The following AKAP10 variants were observed in gnomAD, a reference collection of about 807,000 sequenced individuals.
AKAP10 encodes A-kinase anchoring protein 10, also known as A-kinase anchor protein 10, mitochondrial.
Under a neutral mutation model 80.8 loss-of-function variants are expected in AKAP10, and 24 were observed. The ratio of observed to expected loss-of-function variants is 0.30; its 90% CI spans 0.22 to 0.42. The LOEUF (loss-of-function observed/expected upper bound fraction) is 0.42. AKAP10 is among the 10% of genes least tolerant of loss of function. The probability of loss-of-function intolerance (pLI) is 1.00; values close to 1 mark genes in which losing one functional copy is unlikely to be tolerated. For synonymous variants in AKAP10, 291 were observed against 277.7 expected (o/e 1.05, Z -0.48); for missense variants, 661 against 794.9 (o/e 0.83, Z 2.03).
At chr17:19,934,527 C>T (rs985293921) in intron 9 of AKAP10, among the ~76,000 whole-genome samples, 15 of 152,192 alleles carry the variant, frequency 9.9e-5, no homozygotes, top group African/African-American at 3.6e-4. Flanking sequence ...TTTGATACTG[C>T]TCTCTAATTA....
intron 2 of AKAP10, among the ~76,000 whole-genome samples, chr17:19,967,535 G>C (rs1378106492): frequency 1.3e-5 from 2 of 152,148 alleles, no homozygotes; most frequent in East Asian, 3.9e-4. Context: ...TTAATAAGAA[G>C]GGCACTGGTT....
chr17:19,917,854 C>CA (rs1392176288), intron 12 of AKAP10, among the ~76,000 whole-genome samples: 2 of 151,374 alleles, frequency 1.3e-5, no homozygotes, highest in African/African-American at 4.8e-5. Flanking sequence ...ACCTGGGGGG[C>CA]AGAGGTTGCA....
At position 19,958,238 on chromosome 17, in the gene AKAP10, G is replaced by T; in HGVS notation, c.653C>A (p.Thr218Asn). 1 of 1,614,192 alleles carries T rather than the reference G, an allele frequency of 6.2e-7. No individual in the cohort carries two copies. The highest frequency in any genetic ancestry group is 8.5e-7 in the Non-Finnish European group (1 of 1,180,040). The change falls in exon 4 of 15, where the codon ACT (threonine) becomes AAT (asparagine). Residue 218 changes from threonine (T) to asparagine (N), a missense_variant. Coordinates refer to ENST00000225737, the MANE Select transcript of AKAP10 (RefSeq NM_007202.4). The part of the protein sequence containing the change: ...EDSGSAQLFM[T>N]HSEGIDLNNR... ...ATTCAGGTCAATTCCTTCTGAATGA[G>T]TCATAAACAACTGTGCTGAGCCAGA...
intron 4 of AKAP10, among the ~76,000 whole-genome samples, chr17:19,948,924 C>T (rs2043167417): frequency 6.6e-6 from 1 of 152,152 alleles, no homozygotes; most frequent in Admixed American, 6.5e-5. Context: ...GTGGACTGAA[C>T]CTAACTAGGT....
Position 19,941,818 on chromosome 17 carries a change from TA to T in AKAP10, c.1061+7del. 1 of 1,564,028 alleles carries T rather than the reference TA, an allele frequency of 6.4e-7. No individual in the cohort carries two copies. The highest frequency in any genetic ancestry group is 8.7e-7 in the Non-Finnish European group (1 of 1,153,904). ...GGATGCACAATGTGAAAATATGAAC[TA>T]ACTTACTCTTGCTCCATTGCACTAA... On this transcript the variant is annotated splice_region_variant and intron_variant, in intron 6 of 14. Transcript: ENST00000225737.
intron 1 of AKAP10, 62 bp from the exon 2 acceptor site, chr17:19,968,523 G>T: frequency 7.6e-7 from 1 of 1,323,582 alleles, no homozygotes; most frequent in Non-Finnish European, 1.1e-6. Flanking sequence ...CTATAACACT[G>T]TAAAAATTAG....
intron 10 of AKAP10, among the ~76,000 whole-genome samples, chr17:19,925,640 G>A (rs2042868151): frequency 6.6e-6 from 1 of 151,946 alleles, no homozygotes; most frequent in African/African-American, 2.4e-5. Flanking sequence ...CAAGCTTAAT[G>A]TCCCCGACTA....
intron 8 of AKAP10, among the ~76,000 whole-genome samples, chr17:19,938,368 C>G (rs1490551220): frequency 6.6e-6 from 1 of 151,888 alleles, no homozygotes; most frequent in Non-Finnish European, 1.5e-5. Flanking sequence ...TCCTGAGTAG[C>G]TGGGATTACA....
At chr17:19,912,810 A>C (rs1325840540) in intron 12 of AKAP10, among the ~76,000 whole-genome samples, 2 of 152,160 alleles carry the variant, frequency 1.3e-5, no homozygotes, top group Non-Finnish European at 1.5e-5. Flanking sequence ...AATTCTTTCC[A>C]GCTGCCCTCA....
At chr17:19,950,846 TC>T (rs1332541388) in intron 4 of AKAP10, among the ~76,000 whole-genome samples, 3 of 135,330 alleles carry the variant, frequency 2.2e-5, no homozygotes, top group Non-Finnish European at 4.7e-5. Flanking sequence ...CCGGCTGCCA[TC>T]CCGTCTAGGA....
chr17:19,915,257 G>A (rs889738335), intron 12 of AKAP10, among the ~76,000 whole-genome samples: 11 of 152,312 alleles, frequency 7.2e-5, no homozygotes, highest in African/African-American at 2.4e-4. Context: ...GACTATAGGT[G>A]TAACTTCCAG....
chr17:19,959,052 C>T (rs1361601134), intron 3 of AKAP10, among the ~76,000 whole-genome samples: 1 of 151,910 alleles, frequency 6.6e-6, no homozygotes, highest in African/African-American at 2.4e-5. Flanking sequence ...TCGGTTTCAC[C>T]ATGTTGGTCA....
intron 9 of AKAP10, among the ~76,000 whole-genome samples, chr17:19,934,316 T>C (rs768801139): frequency 5.9e-5 from 9 of 152,158 alleles, no homozygotes; most frequent in Non-Finnish European, 1.2e-4. Flanking sequence ...GTGATATATG[T>C]GGATCATTTC....
chr17:19,941,973 G>GA (rs2043055195), intron 5 of AKAP10, 63 bp from the exon 6 acceptor site: 24 of 1,464,016 alleles, frequency 1.6e-5, no homozygotes, highest in Non-Finnish European at 2.1e-5. Flanking sequence ...ACACACTTGT[G>GA]AATCAACTTG....
chr17:19,962,733 T>C, intron 3 of AKAP10, 107 bp downstream of exon 3: 1 of 1,184,912 alleles, frequency 8.4e-7, no homozygotes, highest in South Asian at 1.8e-5. Flanking sequence ...AATACATTTT[T>C]TCCAAAGCAC....
intron 3 of AKAP10, among the ~76,000 whole-genome samples, chr17:19,959,009 C>T (rs918371828): frequency 1.3e-5 from 2 of 152,068 alleles, no homozygotes; most frequent in Admixed American, 6.5e-5. Flanking sequence ...CCCGCCACCA[C>T]GCTGAGCTAG....
intron 8 of AKAP10, among the ~76,000 whole-genome samples, chr17:19,938,721 A>G (rs2043020466): frequency 6.6e-6 from 1 of 151,300 alleles, no homozygotes; most frequent in South Asian, 2.1e-4. Context: ...CAAATAACAA[A>G]TTACCTTTGT....
At chr17:19,931,439 G>A (rs1320481734) in intron 10 of AKAP10, among the ~76,000 whole-genome samples, 1 of 148,236 alleles carries the variant, frequency 6.7e-6, no homozygotes, top group Non-Finnish European at 1.5e-5. Context: ...CACCCAGGCT[G>A]GAGTGCAGTG....
At chr17:19,975,203 G>A (rs1028839732) in intron 1 of AKAP10, among the ~76,000 whole-genome samples, 1 of 152,078 alleles carries the variant, frequency 6.6e-6, no homozygotes, top group African/African-American at 2.4e-5. Flanking sequence ...TTTTTTAAAT[G>A]TTTTGTACAG....
Sources: allele counts gnomAD v4.1 joint callset (sites outside exome capture counted in the v4.1 genomes callset), GRCh38; gene constraint gnomAD v4.1.1; transcripts MANE v1.5; gene names NCBI Gene and HGNC (gene_info 2026-07-23, HGNC 2026-07-21).